Variants in TRIO observed in about 807,000 individuals in gnomAD.
The protein encoded by TRIO is triple functional domain protein.
TRIO carries 58 observed loss-of-function variants against 351.9 expected under a neutral mutation model. The observed-to-expected ratio is 0.16, with a 90% CI of 0.13 to 0.21. The LOEUF (loss-of-function observed/expected upper bound fraction) is 0.21. TRIO is among the 10% of genes least tolerant of loss of function. The probability of loss-of-function intolerance (pLI) is 1.00; values close to 1 mark genes in which losing one functional copy is unlikely to be tolerated. For synonymous variants in TRIO, 1,758 were observed against 1,595.7 expected, an observed-to-expected ratio of 1.10 and a Z score of -2.42; for missense variants, 3,201 against 4,027.8, an observed-to-expected ratio of 0.79 and a Z score of 5.56.
chr5:14,322,999 G>T (rs1321847527), intron 9 of TRIO, among the ~76,000 whole-genome samples: 1 of 152,096 alleles, frequency 6.6e-6, no homozygotes, highest in Non-Finnish European at 1.5e-5. Flanking sequence ...GGTGGGACTG[G>T]AATCCAGCCA....
chr5:14,406,724 G>A (rs1748752463), intron 33 of TRIO, 52 bp downstream of exon 33: 3 of 1,557,268 alleles, frequency 1.9e-6, no homozygotes, highest in Non-Finnish European at 2.7e-6. Flanking sequence ...CCAGTCTCTG[G>A]TCAAAGCAGC....
chr5:14,159,027 A>C (rs555204614), intron 1 of TRIO, among the ~76,000 whole-genome samples: 4 of 152,192 alleles, frequency 2.6e-5, no homozygotes, highest in Non-Finnish European at 4.4e-5. Flanking sequence ...AACTTGCCCC[A>C]GCTCAGGTGG....
At chr5:14,354,215 GTGTCC>G (rs1743405802) in intron 11 of TRIO, among the ~76,000 whole-genome samples, 1 of 152,260 alleles carries the variant, frequency 6.6e-6, no homozygotes, top group African/African-American at 2.4e-5. Context: ...GTTACGAGGT[GTGTCC>G]TGTCCAGGGT....
In TRIO at chr5:14,208,881, C is replaced by G. The variant is rs146637676; in HGVS notation, c.158-61944C>G. ...CCTCTGCTGGTTCTAAGGGTTGCCT[C>G]ATTTTCGAATCATCCTATTCTCAGT... On this transcript the variant is annotated intron_variant, in intron 1 of 56. Transcript: ENST00000344204. Among the ~76,000 whole-genome samples, 597 of 152,330 alleles carry G rather than the reference C, an allele frequency of 3.9e-3. 1 individual carries two copies. The highest frequency in any genetic ancestry group is 5.7e-3 in the Non-Finnish European group (388 of 68,022).
intron 8 of TRIO, among the ~76,000 whole-genome samples, chr5:14,306,646 G>T (rs919325361): frequency 1.3e-5 from 2 of 152,214 alleles, no homozygotes; most frequent in African/African-American, 4.8e-5. Context: ...ACCAAGATGG[G>T]CTTGAATAGC....
intron 37 of TRIO, chr5:14,466,260 C>G (rs937195045): frequency 6.5e-6 from 1 of 153,902 alleles, no homozygotes; most frequent in African/African-American, 2.4e-5. Flanking sequence ...ATGTGGTCAG[C>G]TCCAGTCTGT....
At chr5:14,266,858 G>A (rs927217906) in intron 1 of TRIO, among the ~76,000 whole-genome samples, 23 of 152,120 alleles carry the variant, frequency 1.5e-4, no homozygotes, top group African/African-American at 5.3e-4. Context: ...TGTAGACTTG[G>A]TTCAGAAGCA....
intron 18 of TRIO, among the ~76,000 whole-genome samples, chr5:14,370,699 C>A (rs1449806508): frequency 6.6e-6 from 1 of 152,168 alleles, no homozygotes; most frequent in Non-Finnish European, 1.5e-5. Context: ...GGTGAAAAAA[C>A]CATCACAGTT....
intron 49 of TRIO, among the ~76,000 whole-genome samples, chr5:14,494,949 A>T (rs1015382718): frequency 3.0e-4 from 45 of 152,262 alleles, no homozygotes; most frequent in African/African-American, 1.1e-3. Flanking sequence ...CATAGCTACC[A>T]TAGGCAGTGA....
In TRIO at chr5:14,290,720, A is replaced by G. The variant is rs769879501; in HGVS notation, c.545A>G (p.Asn182Ser). Residue 182 changes from asparagine (N) to serine (S), a missense_variant, in exon 5 of 57, where the codon AAT (asparagine) becomes AGT (serine). Asn to Ser is a conservative substitution (Grantham distance 46). Transcript: ENST00000344204. ...CGTGATTTTTTTTCCCTTAAGACAAATATGGTCTCTTTAGAAGGCCTTACC... is the reference window on the plus strand; with the variant it reads ...CGTGATTTTTTTTCCCTTAAGACAAGTATGGTCTCTTTAGAAGGCCTTACC... Reference protein sequence around the residue: ...FGSSKFEFETNMVSLEGLTKV... With the variant: ...FGSSKFEFETSMVSLEGLTKV... 1.9e-6 allele frequency: 3 copies of G among 1,599,560 alleles called. No homozygotes were observed. The highest frequency in any genetic ancestry group is 2.6e-6 in the Non-Finnish European group (3 of 1,171,624).
At chr5:14,147,132 AC>A (rs1787565075) in intron 1 of TRIO, among the ~76,000 whole-genome samples, 1 of 152,096 alleles carries the variant, frequency 6.6e-6, no homozygotes, top group South Asian at 2.1e-4. Flanking sequence ...GCACAGTAAA[AC>A]CAATTTCAAT....
intron 7 of TRIO, among the ~76,000 whole-genome samples, chr5:14,297,800 C>G (rs1315008201): frequency 2.0e-5 from 3 of 152,230 alleles, no homozygotes; most frequent in Admixed American, 2.0e-4. Flanking sequence ...CTGCTGCCCT[C>G]AGGCTTGCTG....
intron 48 of TRIO, chr5:14,488,777 G>GA (rs1215582233): frequency 1.2e-5 from 7 of 594,046 alleles, no homozygotes; most frequent in Non-Finnish European, 1.8e-5. Context: ...AAACTAAGAT[G>GA]AAAAAATGGG....
rs369006273 is a variant in TRIO at position 14,508,233 on chromosome 5, C to T, written c.9105C>T (p.Pro3035=). Residue 3035 remains proline, a synonymous_variant, in exon 57 of 57, where the codon CCC becomes CCT. Transcript: ENST00000344204. The part of the protein sequence containing the change: ...EFVCFLLQED[P]AKRPSAALAL... ...TGTGCTTCCTCCTGCAGGAGGACCC[C>T]GCCAAGCGTCCCTCGGCTGCGCTGG... 1.2e-5 allele frequency: 20 copies of T among 1,614,084 alleles called. No individual in the cohort carries two copies. Among genetic ancestry groups the T allele is most frequent in the Admixed American group, 3.3e-5 (2 of 60,028 alleles).
intron 49 of TRIO, among the ~76,000 whole-genome samples, chr5:14,494,795 A>T (rs1182675495): frequency 2.0e-5 from 3 of 152,236 alleles, no homozygotes; most frequent in Admixed American, 6.5e-5. Context: ...GCTACTTGGG[A>T]GGCTGAGACA....
chr5:14,268,683 T>G (rs1027866967), intron 1 of TRIO, among the ~76,000 whole-genome samples: 1 of 152,260 alleles, frequency 6.6e-6, no homozygotes, highest in Non-Finnish European at 1.5e-5. Context: ...GTCTATCATG[T>G]GATCTGTCCC....
intron 1 of TRIO, among the ~76,000 whole-genome samples, chr5:14,188,776 T>G (rs1392267333): frequency 6.6e-6 from 1 of 152,214 alleles, no homozygotes; most frequent in African/African-American, 2.4e-5. Context: ...TTCATTAATT[T>G]CCAGGTTTGT....
chr5:14,498,268 C>T lies in TRIO; in HGVS notation c.8210+17C>T. Reference sequence around the variant, plus strand: ...CTCCTACAGGTGAGGGAGGCCCACTCCTGGTGGGTTTCGCTGGCTGGGAGC... The same window carrying T: ...CTCCTACAGGTGAGGGAGGCCCACTTCTGGTGGGTTTCGCTGGCTGGGAGC... On this transcript the variant is annotated intron_variant, in intron 52 of 56. Transcript: ENST00000344204. The T allele has an allele frequency of 1.2e-6, 2 of 1,608,740 alleles. No homozygotes were observed. Among genetic ancestry groups the T allele is most frequent in the Non-Finnish European group, 1.7e-6 (2 of 1,175,502 alleles).
chr5:14,365,803 T>G (rs1298353011), intron 15 of TRIO, among the ~76,000 whole-genome samples: 1 of 152,220 alleles, frequency 6.6e-6, no homozygotes, highest in Non-Finnish European at 1.5e-5. Context: ...GCTGAGATCT[T>G]GGTGATGGCT....
Sources: allele counts gnomAD v4.1 joint callset (sites outside exome capture counted in the v4.1 genomes callset), GRCh38; gene constraint gnomAD v4.1.1; transcripts MANE v1.5; gene names NCBI Gene and HGNC (gene_info 2026-07-23, HGNC 2026-07-21).